Variants in ZNF347 observed in about 807,000 individuals in gnomAD.
The protein encoded by ZNF347 is zinc finger protein 347.
In ZNF347, 19 loss-of-function variants were observed where a neutral mutation model predicts 12.9. The ratio of observed to expected loss-of-function variants is 1.47; its 90% CI spans 1.03 to 2.16. The LOEUF is 2.16. ZNF347 is among the 30% of genes most tolerant of loss of function. The pLI is 0.00. For synonymous variants in ZNF347, 328 were observed against 340.6 expected (o/e 0.96, Z 0.41); for missense variants, 1,005 against 990.6 (o/e 1.01, Z -0.19).
rs565498260 is a variant in ZNF347 at position 53,142,589 on chromosome 19, T to A, written c.272-33A>T. On this transcript the variant is annotated intron_variant, in intron 4 of 4. Coordinates refer to ENST00000334197, the MANE Select transcript of ZNF347 (RefSeq NM_032584.3). Reference sequence around the variant, plus strand: ...ATATAAAGATCCATAGGTTTCCAATTAATTGTAGTACGTAAACAAGTATTT... The same window carrying A: ...ATATAAAGATCCATAGGTTTCCAATAAATTGTAGTACGTAAACAAGTATTT... 3.4e-6 allele frequency: 5 copies of A among 1,458,370 alleles called. No homozygotes were observed. The South Asian group carries it at 5.7e-5, about 17-fold the overall frequency. 90.3% of individuals were successfully genotyped at this position (1,458,370 alleles called of 1,614,324 possible). A position where few individuals can be genotyped will look rare whatever the true frequency, so the allele number is the denominator to read the frequency against.
At chr19:53,148,192 G>C (rs950495139) in intron 4 of ZNF347, among the ~76,000 whole-genome samples, 1 of 152,122 alleles carries the variant, frequency 6.6e-6, no homozygotes, top group Non-Finnish European at 1.5e-5. Flanking sequence ...AAAGCATACA[G>C]ATTGAAAAGG....
Position 53,137,433 on chromosome 19 carries a change from A to G in ZNF347, c.*2875T>C, listed in dbSNP as rs2090393622. ...TTAAAGGTTATTACCATAACACCCC[A>G]AGCAAGTTATTTATCCCTGCTCTCT... On this transcript the variant is annotated 3_prime_UTR_variant, in exon 5 of 5. Coordinates refer to ENST00000334197, the MANE Select transcript of ZNF347 (RefSeq NM_032584.3). 3 of 152,216 alleles carry G rather than the reference A, an allele frequency of 2.0e-5. No homozygotes were observed. Among genetic ancestry groups the G allele is most frequent in the Admixed American group, 2.0e-4 (3 of 15,288 alleles). The allele number at this position is 152,216 out of a possible 1,614,324, so 9.4% of individuals were successfully genotyped here.
chr19:53,148,848 T>C, intron 3 of ZNF347, 39 bp from the exon 4 acceptor site: 3 of 1,605,728 alleles, frequency 1.9e-6, no homozygotes, highest in Non-Finnish European at 1.7e-6. Context: ...GGCTGTAGAT[T>C]TTCCAGAGTC....
In ZNF347 at chr19:53,141,399, G is replaced by A. The variant is rs1387567782; in HGVS notation, c.1429C>T (p.Leu477=). The A allele has an allele frequency of 1.9e-6, 3 of 1,612,314 alleles. No individual in the cohort carries two copies. Among genetic ancestry groups the A allele is most frequent in the East Asian group, 2.2e-5 (1 of 44,716 alleles). The change falls in exon 5 of 5, where the codon CTA becomes TTA. Residue 477 remains leucine (L), a synonymous_variant. Transcript: ENST00000334197. The stretch of plus-strand genomic sequence containing the variant: ...TAAGGTTTCTCTCCAGTATGAATTA[G>A]CTGATGCCTTGCAAGGTGTGAATTA... ...RRNSHLARHQ[L]IHTGEKPYKC... is the part of the protein sequence containing the mutation.
In ZNF347 at chr19:53,140,324, G is replaced by C; in HGVS notation, c.2504C>G (p.Pro835Arg). Residue 835 changes from proline (P) to arginine (R), a missense_variant, in exon 5 of 5, where the codon CCA becomes CGA. Physicochemically the swap from Pro to Arg is moderately radical, Grantham distance 103. Coordinates refer to ENST00000334197, the MANE Select transcript of ZNF347 (RefSeq NM_032584.3). ...TTCTCTCCACTATGAATTCTGTGATGGCTTGCAAGGTTTGAACTCTGACTT... is the reference window on the plus strand; with the variant it reads ...TTCTCTCCACTATGAATTCTGTGATCGCTTGCAAGGTTTGAACTCTGACTT... ...VLKSEFKPCK[P>R]SQNS 1 of 1,552,258 alleles carries C rather than the reference G, an allele frequency of 6.4e-7. No homozygotes were observed. The highest frequency in any genetic ancestry group is 8.7e-7 in the Non-Finnish European group (1 of 1,153,944).
intron 4 of ZNF347, among the ~76,000 whole-genome samples, chr19:53,143,441 T>C (rs1056432773): frequency 2.3e-4 from 33 of 141,018 alleles, no homozygotes; most frequent in South Asian, 1.2e-3. Context: ...TGTGTTCTCA[T>C]TGTTCAATTC....
At chr19:53,146,322 T>A (rs934483958) in intron 4 of ZNF347, among the ~76,000 whole-genome samples, 8 of 152,190 alleles carry the variant, frequency 5.3e-5, no homozygotes, top group Admixed American at 5.2e-4. Context: ...TCACACAGGC[T>A]GGAGTGCAGT....
chr19:53,149,142 G>A, intron 3 of ZNF347, 99 bp downstream of exon 3: 1 of 1,568,682 alleles, frequency 6.4e-7, no homozygotes, highest in East Asian at 2.3e-5. Context: ...CACAGCTTCA[G>A]TCTCAGCCAA....
chr19:53,151,918 C>T (rs2090500634), intron 2 of ZNF347, among the ~76,000 whole-genome samples: 1 of 151,870 alleles, frequency 6.6e-6, no homozygotes, highest in African/African-American at 2.4e-5. Flanking sequence ...CATGGTGAAA[C>T]ACCATCTCTA....
At position 53,135,715 on chromosome 19, in the gene ZNF347, C is replaced by T. The variant is rs1371098564; in HGVS notation, c.*4593G>A. 1 of 152,126 alleles carries T rather than the reference C, an allele frequency of 6.6e-6. No individual in the cohort carries two copies. Among genetic ancestry groups the T allele is most frequent in the Non-Finnish European group, 1.5e-5 (1 of 68,032 alleles). The allele number at this position is 152,126 out of a possible 1,614,324, so 9.4% of individuals were successfully genotyped here. A position where few individuals can be genotyped will look rare whatever the true frequency, so the allele number is the denominator to read the frequency against. On this transcript the variant is annotated 3_prime_UTR_variant, in exon 5 of 5. Coordinates refer to ENST00000334197, the MANE Select transcript of ZNF347 (RefSeq NM_032584.3). ...TTATCTGTCCTAAGTTTCCTCACCT[C>T]TGAAATGAGAATATCATTAATACTT... is the stretch of plus-strand genomic sequence containing the variant.
At position 53,135,331 on chromosome 19, in the gene ZNF347, T is replaced by TAGAGAGAGAGAGAGAGAG. The variant is rs2090381034; in HGVS notation, c.*4976_*4977insCTCTCTCTCTCTCTCTCT. 1.7e-5 allele frequency: 1 copy of TAGAGAGAGAGAGAGAGAG among 57,784 alleles called. No individual in the cohort carries two copies. The highest frequency in any genetic ancestry group is 7.3e-5 in the African/African-American group (1 of 13,706). The allele number at this position is 57,784 out of a possible 1,614,324, so 3.6% of individuals were successfully genotyped here. A position where few individuals can be genotyped will look rare whatever the true frequency, so the allele number is the denominator to read the frequency against. On this transcript the variant is annotated 3_prime_UTR_variant, in exon 5 of 5. Transcript: ENST00000334197. ...ATATATATATATATATATATATATA[T>TAGAGAGAGAGAGAGAGAG]ATATATATAGAGAGAGAGAGAGAGA... is the stretch of plus-strand genomic sequence containing the variant.
At position 53,141,591 on chromosome 19, in the gene ZNF347, T is replaced by C; in HGVS notation, c.1237A>G (p.Asn413Asp). ...CNECGKVFTQ[N>D]SHLTNHWRIH... is the part of the protein sequence containing the mutation. ...CTCCAGTGATTTGTAAGGTGTGAAT[T>C]TTGAGTGAAGACCTTGCCACATTCA... is the stretch of plus-strand genomic sequence containing the variant. The change falls in exon 5 of 5, where the codon AAT becomes GAT. Residue 413 changes from asparagine to aspartate, a missense_variant. Asn to Asp is a conservative substitution (Grantham distance 23). Transcript: ENST00000334197. 6.2e-7 allele frequency: 1 copy of C among 1,614,116 alleles called. No individual in the cohort carries two copies. The highest frequency in any genetic ancestry group is 8.5e-7 in the Non-Finnish European group (1 of 1,179,990).
intron 4 of ZNF347, among the ~76,000 whole-genome samples, chr19:53,145,290 G>GAAAAA (rs35614813): frequency 1.6e-5 from 2 of 124,178 alleles, no homozygotes; most frequent in Admixed American, 8.9e-5. Flanking sequence ...AGTCTGTCTA[G>GAAAAA]AAAAAAAAAA....
In ZNF347 at chr19:53,135,317, TATATATATATATATATATATATAGAGAG is replaced by T. The variant is rs1370532778; in HGVS notation, c.*4963_*4990del. 3 of 28,516 alleles carry T rather than the reference TATATATATATATATATATATATAGAGAG, an allele frequency of 1.1e-4. No individual in the cohort carries two copies. The highest frequency in any genetic ancestry group is 1.7e-3 in the East Asian group (1 of 588). 1.8% of individuals were successfully genotyped at this position (28,516 alleles called of 1,614,324 possible). A position where few individuals can be genotyped will look rare whatever the true frequency, so the allele number is the denominator to read the frequency against. ...TTTTCTAAATATATATATATATATA[TATATATATATATATATATATATAGAGAG>T]AGAGAGAGAGAGAGAGAGAGAGAAA... On this transcript the variant is annotated 3_prime_UTR_variant, in exon 5 of 5. Transcript: ENST00000334197.
intron 4 of ZNF347, among the ~76,000 whole-genome samples, chr19:53,146,909 A>C (rs1218647446): frequency 6.6e-6 from 1 of 152,162 alleles, no homozygotes; most frequent in Non-Finnish European, 1.5e-5. Flanking sequence ...GATTGAATGG[A>C]TTCACTGCTG....
At chr19:53,153,907 G>A (rs2090515046) in intron 1 of ZNF347, 114 bp from the exon 2 acceptor site, 1 of 727,064 alleles carries the variant, frequency 1.4e-6, no homozygotes, top group African/African-American at 1.8e-5. Flanking sequence ...ACACACACAG[G>A]GAAGACCTCA....
At chr19:53,147,395 AC>A (rs2090470049) in intron 4 of ZNF347, among the ~76,000 whole-genome samples, 1 of 151,354 alleles carries the variant, frequency 6.6e-6, no homozygotes, top group African/African-American at 2.4e-5. Context: ...AAACAAACAA[AC>A]AAAAAAACAC....
chr19:53,140,105 G>A lies in ZNF347; in HGVS notation c.*203C>T, dbSNP rs1305968294. 1 of 519,708 alleles carries A rather than the reference G, an allele frequency of 1.9e-6. No individual in the cohort carries two copies. Among genetic ancestry groups the A allele is most frequent in the Non-Finnish European group, 3.3e-6 (1 of 299,326 alleles). The allele number at this position is 519,708 out of a possible 1,614,324, so 32.2% of individuals were successfully genotyped here. On this transcript the variant is annotated 3_prime_UTR_variant, in exon 5 of 5. Transcript: ENST00000334197. The stretch of plus-strand genomic sequence containing the variant: ...AGTAGAAATGGGGTTTCGCCATGTT[G>A]GTCAGGCTGGTCTTGAACTCCTGAC...
intron 1 of ZNF347, among the ~76,000 whole-genome samples, chr19:53,155,227 C>G (rs1173080382): frequency 6.6e-6 from 1 of 151,098 alleles, no homozygotes; most frequent in Non-Finnish European, 1.5e-5. Flanking sequence ...CGTCAGCCAC[C>G]GTGCCTGGCC....
Sources: allele counts gnomAD v4.1 joint callset (sites outside exome capture counted in the v4.1 genomes callset), GRCh38; gene constraint gnomAD v4.1.1; transcripts MANE v1.5; gene names NCBI Gene and HGNC (gene_info 2026-07-23, HGNC 2026-07-21).